Variants in KCNJ3 observed in about 807,000 individuals in gnomAD.
KCNJ3 encodes potassium inwardly rectifying channel subfamily J member 3.
A neutral mutation model predicts 39.2 loss-of-function variants in KCNJ3; 4 were observed. The observed-to-expected ratio is 0.10, with a 90% confidence interval of 0.05 to 0.23. The LOEUF is 0.23. Among genes scored for constraint, KCNJ3 ranks in the 10% least tolerant of loss-of-function variants. The pLI, the probability that KCNJ3 is intolerant of heterozygous loss-of-function variation, is 1.00. For synonymous variants in KCNJ3, 230 were observed against 237.4 expected (o/e 0.97, Z 0.29); for missense variants, 276 against 634.9 (o/e 0.43, Z 6.08).
intron 2 of KCNJ3, among the ~76,000 whole-genome samples, chr2:154,714,408 C>T (rs1172798105): frequency 6.6e-6 from 1 of 151,960 alleles, no homozygotes; most frequent in Non-Finnish European, 1.5e-5. Flanking sequence ...CTGCTTCTTC[C>T]TACTCCTCCT....
chr2:154,778,656 A>T (rs6713287), intron 2 of KCNJ3, among the ~76,000 whole-genome samples: 81,668 of 151,998 alleles, frequency 0.54, 22,341 homozygotes, highest in African/African-American at 0.57. Flanking sequence ...AGGAACTGAG[A>T]TAATTTTTAT....
At chr2:154,808,493 C>T (rs532669758) in intron 2 of KCNJ3, among the ~76,000 whole-genome samples, 25 of 152,226 alleles carry the variant, frequency 1.6e-4, no homozygotes, top group African/African-American at 5.8e-4. Context: ...TGATCATTAT[C>T]CTTGTGACCT....
intron 2 of KCNJ3, among the ~76,000 whole-genome samples, chr2:154,727,439 A>G (rs574340932): frequency 2.6e-5 from 4 of 151,592 alleles, no homozygotes; most frequent in Non-Finnish European, 5.9e-5. Flanking sequence ...AAAAAAATAC[A>G]AAATCAACCA....
intron 2 of KCNJ3, among the ~76,000 whole-genome samples, chr2:154,721,948 C>T (rs1318764962): frequency 6.6e-6 from 1 of 152,070 alleles, no homozygotes; most frequent in East Asian, 1.9e-4. Context: ...CTTGCTTGCC[C>T]ACTTTAAAAT....
intron 2 of KCNJ3, among the ~76,000 whole-genome samples, chr2:154,816,331 A>C (rs1482010981): frequency 2.6e-5 from 4 of 152,204 alleles, no homozygotes; most frequent in Non-Finnish European, 4.4e-5. Flanking sequence ...TCTACACTAC[A>C]GTTTGGATGT....
At chr2:154,777,103 T>G (rs1367525852) in intron 2 of KCNJ3, among the ~76,000 whole-genome samples, 2 of 152,110 alleles carry the variant, frequency 1.3e-5, no homozygotes, top group African/African-American at 4.8e-5. Context: ...GAGCTAAATT[T>G]GTCCGATGGA....
At chr2:154,737,848 A>C (rs1685575121) in intron 2 of KCNJ3, among the ~76,000 whole-genome samples, 2 of 152,108 alleles carry the variant, frequency 1.3e-5, no homozygotes, top group South Asian at 4.1e-4. Flanking sequence ...TAGTTGAAGA[A>C]ACAGTGGCCA....
At chr2:154,767,995 T>C (rs892795882) in intron 2 of KCNJ3, among the ~76,000 whole-genome samples, 1 of 152,176 alleles carries the variant, frequency 6.6e-6, no homozygotes, top group Non-Finnish European at 1.5e-5. Flanking sequence ...CTTTTGAGAA[T>C]GTCTGTTTAT....
chr2:154,707,318 A>G (rs1685030781), intron 1 of KCNJ3, among the ~76,000 whole-genome samples: 1 of 152,070 alleles, frequency 6.6e-6, no homozygotes, highest in African/African-American at 2.4e-5. Context: ...ATCAGAAGGT[A>G]TATTAAGTCT....
intron 2 of KCNJ3, among the ~76,000 whole-genome samples, chr2:154,744,605 A>T (rs1300159060): frequency 1.3e-5 from 2 of 151,736 alleles, no homozygotes; most frequent in African/African-American, 4.8e-5. Flanking sequence ...AAACTTATAT[A>T]TGTAGAGTTG....
chr2:154,841,783 C>T (rs1345937394), intron 2 of KCNJ3, among the ~76,000 whole-genome samples: 5 of 151,732 alleles, frequency 3.3e-5, no homozygotes, highest in Non-Finnish European at 4.4e-5. Flanking sequence ...GTGGTGATAT[C>T]CCCTTTATCA....
At chr2:154,768,917 G>T (rs1310674505) in intron 2 of KCNJ3, among the ~76,000 whole-genome samples, 1 of 152,078 alleles carries the variant, frequency 6.6e-6, no homozygotes, top group African/African-American at 2.4e-5. Context: ...CTTTAAGTTG[G>T]ATTCCTAGGT....
chr2:154,716,233 C>T (rs984561373), intron 2 of KCNJ3, among the ~76,000 whole-genome samples: 2 of 151,160 alleles, frequency 1.3e-5, no homozygotes, highest in Non-Finnish European at 2.9e-5. Context: ...CCTCAGCCTG[C>T]CGAGCAGCTG....
chr2:154,742,562 C>T (rs939830100), intron 2 of KCNJ3, among the ~76,000 whole-genome samples: 10 of 151,756 alleles, frequency 6.6e-5, no homozygotes, highest in Non-Finnish European at 1.0e-4. Flanking sequence ...TGATACTAGC[C>T]ATCCTAATTG....
chr2:154,735,069 C>CTGTGTG (rs10632638), intron 2 of KCNJ3, among the ~76,000 whole-genome samples: 11,309 of 145,826 alleles, frequency 0.078, 492 homozygotes, highest in Non-Finnish European at 0.091. Flanking sequence ...CCTTGTAGGC[C>CTGTGTG]TGTGTGTGTG....
intron 2 of KCNJ3, among the ~76,000 whole-genome samples, chr2:154,759,725 T>C (rs932231744): frequency 1.3e-5 from 2 of 152,148 alleles, no homozygotes; most frequent in African/African-American, 2.4e-5. Flanking sequence ...TGAAAATGAA[T>C]ATTGATTGTT....
intron 1 of KCNJ3, among the ~76,000 whole-genome samples, chr2:154,700,922 C>T (rs1684883251): frequency 6.6e-6 from 1 of 152,126 alleles, no homozygotes; most frequent in Non-Finnish European, 1.5e-5. Context: ...AATTATCAAC[C>T]TGGTTCTGAT....
chr2:154,748,784 A>G (rs909585895), intron 2 of KCNJ3, among the ~76,000 whole-genome samples: 3 of 152,138 alleles, frequency 2.0e-5, no homozygotes, highest in East Asian at 1.9e-4. Flanking sequence ...GAGAAGACAG[A>G]TCAACATACT....
intron 2 of KCNJ3, among the ~76,000 whole-genome samples, chr2:154,773,279 T>A (rs796325444): frequency 1.5e-4 from 23 of 152,292 alleles, no homozygotes; most frequent in African/African-American, 5.5e-4. Context: ...GATTGCTTTC[T>A]TTTTGATTAC....
Sources: allele counts gnomAD v4.1 joint callset (sites outside exome capture counted in the v4.1 genomes callset), GRCh38; gene constraint gnomAD v4.1.1; transcripts MANE v1.5; gene names NCBI Gene and HGNC (gene_info 2026-07-23, HGNC 2026-07-21).